The following SLC1A3 variants were observed in gnomAD, a reference collection of about 807,000 sequenced individuals.
The protein encoded by SLC1A3 is solute carrier family 1 member 3.
Under a neutral mutation model 48.1 loss-of-function variants are expected in SLC1A3, and 21 were observed. That is an observed-to-expected ratio of 0.44 (90% CI 0.31 to 0.63). The LOEUF is 0.63. SLC1A3 is among the 20% of genes least tolerant of loss of function. SLC1A3 has a pLI of 0.08. For missense variants in SLC1A3, 546 were observed against 689.0 expected, an observed-to-expected ratio of 0.79 and a Z score of 2.32; for synonymous variants, 239 against 251.4, an observed-to-expected ratio of 0.95 and a Z score of 0.47.
intron 3 of SLC1A3, among the ~76,000 whole-genome samples, chr5:36,651,274 T>C (rs993373940): frequency 5.9e-5 from 9 of 151,922 alleles, no homozygotes; most frequent in African/African-American, 1.9e-4. Flanking sequence ...CCCTCTACTA[T>C]GGCCACCATC....
In SLC1A3 at chr5:36,645,319, C is replaced by CTTTTTTTTTTTTTTTTTTTTTTTTTTT. The variant is rs68027582; in HGVS notation, c.319+15735_319+15761dup. On this transcript the variant is annotated intron_variant, in intron 3 of 9. Coordinates refer to ENST00000265113, the MANE Select transcript of SLC1A3 (RefSeq NM_004172.5). ...ATCTTTGAGGACTGACTTCCGCTGC[C>CTTTTTTTTTTTTTTTTTTTTTTTTTTT]TTTTTTTTTTTTTTTTTTTTTTTTT... Among the ~76,000 whole-genome samples, 2 of 84,272 alleles carry CTTTTTTTTTTTTTTTTTTTTTTTTTTT rather than the reference C, an allele frequency of 2.4e-5. 1 individual carries two copies. Among genetic ancestry groups the CTTTTTTTTTTTTTTTTTTTTTTTTTTT allele is most frequent in the South Asian group, 9.6e-4 (2 of 2,076 alleles). 55.3% of individuals were successfully genotyped at this position (84,272 alleles called of 152,430 possible). A position where few individuals can be genotyped will look rare whatever the true frequency, so the allele number is the denominator to read the frequency against.
intron 3 of SLC1A3, among the ~76,000 whole-genome samples, chr5:36,664,259 A>G (rs969357226): frequency 6.6e-5 from 10 of 152,032 alleles, no homozygotes; most frequent in African/African-American, 2.2e-4. Context: ...TCAGCCTCCC[A>G]ACTAGCTGGG....
chr5:36,677,218 C>T (rs367983180), intron 6 of SLC1A3, 34 bp downstream of exon 6: 15 of 1,571,996 alleles, frequency 9.5e-6, no homozygotes, highest in African/African-American at 4.1e-5. Flanking sequence ...ATGTTATATA[C>T]GAGATGGTTA....
intron 3 of SLC1A3, among the ~76,000 whole-genome samples, chr5:36,653,411 C>G (rs944285248): frequency 1.3e-5 from 2 of 152,322 alleles, no homozygotes; most frequent in Admixed American, 1.3e-4. Context: ...TTACCCCTCC[C>G]AAGTTCCCCT....
At position 36,674,116 on chromosome 5, in the gene SLC1A3, T is replaced by C. The variant is rs1277381958; in HGVS notation, c.567+25T>C. On this transcript the variant is annotated intron_variant, in intron 5 of 9. Coordinates refer to ENST00000265113, the MANE Select transcript of SLC1A3 (RefSeq NM_004172.5). ...GGTAAACACTCTACAGACATTAACT[T>C]GCCTTTTAAATTCCTCTTTTCTATA... 5.6e-6 allele frequency: 9 copies of C among 1,600,168 alleles called. No individual in the cohort carries two copies. The Admixed American group carries it at 1.5e-4, about 27-fold the overall frequency.
chr5:36,613,089 G>T lies in SLC1A3; in HGVS notation c.181+4485G>T, dbSNP rs189181798. 3.0e-4 allele frequency: 94 copies of T among 313,944 alleles called. 1 individual carries two copies. Among genetic ancestry groups the T allele is most frequent in the Middle Eastern group, 2.3e-3 (2 of 874 alleles). 19.4% of individuals were successfully genotyped at this position (313,944 alleles called of 1,614,324 possible). A position where few individuals can be genotyped will look rare whatever the true frequency, so the allele number is the denominator to read the frequency against. ...CAGGAGAAAGACTGGGGCCTTGGGG[G>T]TGCACGAGGGTAAGTTCAGTTTGGA... On this transcript the variant is annotated intron_variant, in intron 2 of 9. Transcript: ENST00000265113.
At chr5:36,648,322 G>A (rs1343893586) in intron 3 of SLC1A3, among the ~76,000 whole-genome samples, 3 of 152,150 alleles carry the variant, frequency 2.0e-5, no homozygotes, top group Admixed American at 1.3e-4. Flanking sequence ...GGAAATTTGA[G>A]ATTTGTGTCA....
At chr5:36,608,727 T>C in intron 2 of SLC1A3, 123 bp downstream of exon 2, 1 of 1,500,708 alleles carries the variant, frequency 6.7e-7, no homozygotes. Flanking sequence ...GGCTTTCCTC[T>C]GAACTTGATG....
Position 36,671,202 on chromosome 5 carries a change from A to G in SLC1A3, c.493A>G (p.Thr165Ala). 6.2e-7 allele frequency: 1 copy of G among 1,613,736 alleles called. No individual in the cohort carries two copies. The highest frequency in any genetic ancestry group is 8.5e-7 in the Non-Finnish European group (1 of 1,179,708). ...CAGAGAAGGCAAAATTGTACGAGTG[A>G]CAGCTGCAGATGCCTTCCTGGACTT... ...MHREGKIVRV[T>A]AADAFLDLIR... is the part of the protein sequence containing the mutation. Residue 165 changes from threonine (T) to alanine (A), a missense_variant, in exon 4 of 10, where the codon ACA (threonine) becomes GCA (alanine). Around this residue, in one of 3 missense-constraint regions of SLC1A3, gnomAD observed 348 missense variants for 392.0 expected, o/e 0.89. Coordinates refer to ENST00000265113, the MANE Select transcript of SLC1A3 (RefSeq NM_004172.5).
chr5:36,625,058 G>A (rs188636199), intron 2 of SLC1A3, among the ~76,000 whole-genome samples: 98 of 152,322 alleles, frequency 6.4e-4, no homozygotes, highest in African/African-American at 2.3e-3. Context: ...AAAGAGTAAC[G>A]GAAAGAGCAC....
chr5:36,686,005 T>C (rs1742628624), intron 9 of SLC1A3, 60 bp from the exon 10 acceptor site: 3 of 1,409,728 alleles, frequency 2.1e-6, no homozygotes, highest in Admixed American at 3.4e-5. Flanking sequence ...CTAACGTAAG[T>C]TGAAAACTTG....
intron 3 of SLC1A3, among the ~76,000 whole-genome samples, chr5:36,651,139 TTTAAAAAAAA>T (rs1414847510): frequency 7.3e-5 from 5 of 68,450 alleles, no homozygotes; most frequent in African/African-American, 2.6e-4. Flanking sequence ...CTAAGTTTTT[TTTAAAAAAAA>T]AAAAAAAAAA....
At chr5:36,621,121 G>T (rs1238878975) in intron 2 of SLC1A3, among the ~76,000 whole-genome samples, 4 of 152,104 alleles carry the variant, frequency 2.6e-5, no homozygotes, top group African/African-American at 9.7e-5. Context: ...GGCCTGGCAG[G>T]TCTCCAACTC....
In SLC1A3 at chr5:36,676,920, T is replaced by C. The variant is rs1742230964; in HGVS notation, c.596T>C (p.Phe199Ser). The C allele has an allele frequency of 1.2e-6, 2 of 1,613,876 alleles. No homozygotes were observed. The highest frequency in any genetic ancestry group is 1.7e-6 in the Non-Finnish European group (2 of 1,179,846). ...AAAACCAACTATGAGAAGAGAAGCT[T>C]TAAAGTGCCCATCCAGGCCAACGAA... The part of the protein sequence containing the change: ...QFKTNYEKRS[F>S]KVPIQANETL... Residue 199 changes from phenylalanine to serine, a missense_variant, in exon 6 of 10, where the codon TTT becomes TCT. Physicochemically the swap from Phe to Ser is radical, Grantham distance 155 (BLOSUM62 -2). This residue lies in a region of SLC1A3 where 348 missense variants were observed against 392.0 expected (regional missense o/e 0.89). Transcript: ENST00000265113.
chr5:36,683,911 C>A lies in SLC1A3; in HGVS notation c.1337C>A (p.Ala446Glu), dbSNP rs1038146073. The change falls in exon 9 of 10, where the codon GCG becomes GAG. Residue 446 changes from alanine to glutamate, a missense_variant. Physicochemically the swap from Ala to Glu is moderately radical, Grantham distance 107. Coordinates refer to ENST00000265113, the MANE Select transcript of SLC1A3 (RefSeq NM_004172.5). ...ASIGAAGIPQ[A>E]GLVTMVIVLT... The stretch of plus-strand genomic sequence containing the variant: ...ATTGGGGCAGCTGGAATTCCTCAGG[C>A]GGGCCTGGTCACTATGGTCATTGTG... The A allele has an allele frequency of 1.2e-6, 2 of 1,614,166 alleles. No individual in the cohort carries two copies. Among genetic ancestry groups the A allele is most frequent in the Non-Finnish European group, 1.7e-6 (2 of 1,179,996 alleles).
chr5:36,636,538 T>C (rs1178420443), intron 3 of SLC1A3, among the ~76,000 whole-genome samples: 1 of 151,044 alleles, frequency 6.6e-6, no homozygotes, highest in Non-Finnish European at 1.5e-5. Context: ...TTTCCTTTTC[T>C]CTCTCTCTTT....
chr5:36,681,800 T>C (rs575404463), intron 8 of SLC1A3, among the ~76,000 whole-genome samples: 26 of 152,358 alleles, frequency 1.7e-4, no homozygotes, highest in African/African-American at 5.3e-4. Flanking sequence ...GATCAGCCTC[T>C]GCTCTTCATT....
At chr5:36,633,972 C>T (rs879168106) in intron 3 of SLC1A3, among the ~76,000 whole-genome samples, 11 of 152,288 alleles carry the variant, frequency 7.2e-5, no homozygotes, top group African/African-American at 2.4e-4. Flanking sequence ...CCGACTCCCC[C>T]GCTCTTGTAG....
intron 2 of SLC1A3, among the ~76,000 whole-genome samples, chr5:36,627,751 GTGGTTGCCTTTGC>G (rs1264737670): frequency 3.9e-5 from 6 of 152,212 alleles, no homozygotes; most frequent in Non-Finnish European, 8.8e-5. Flanking sequence ...GACACACAAA[GTGGTTGCCTTTGC>G]TCTACAGGAG....
Sources: gnomAD v4.1 joint callset for allele counts (sites outside exome capture counted in the v4.1 genomes callset) on GRCh38, gnomAD v4.1.1 for gene constraint, gnomAD v4.1.1 regional missense constraint, MANE v1.5 for transcripts, NCBI Gene and HGNC (gene_info 2026-07-23, HGNC 2026-07-21) for gene names.